RPH3A: variants seen among roughly 807,000 people sequenced by gnomAD.
RPH3A encodes rabphilin 3A, also known as rabphilin-3A.
In RPH3A, 48 loss-of-function variants were observed where a neutral mutation model predicts 102.2. The observed-to-expected ratio is 0.47, with a 90% CI of 0.37 to 0.60. RPH3A has a LOEUF of 0.60. Among genes scored for constraint, RPH3A ranks in the 20% least tolerant of loss-of-function variants. The pLI is 0.00. For synonymous variants in RPH3A, 310 were observed against 324.3 expected, an observed-to-expected ratio of 0.96 and a Z score of 0.47; for missense variants, 781 against 910.1, an observed-to-expected ratio of 0.86 and a Z score of 1.83.
At chr12:112,592,662 G>C (rs1418915312) in intron 1 of RPH3A, among the ~76,000 whole-genome samples, 1 of 152,100 alleles carries the variant, frequency 6.6e-6, no homozygotes, top group East Asian at 1.9e-4. Flanking sequence ...TCTGTGGTTG[G>C]TTGAATCCGT....
intron 2 of RPH3A, among the ~76,000 whole-genome samples, chr12:112,822,869 C>A (rs764622403): frequency 6.6e-6 from 1 of 152,316 alleles, no homozygotes; most frequent in East Asian, 1.9e-4. Context: ...GATATTTGAA[C>A]TTTCAGTTGT....
chr12:112,701,923 A>G (rs986786052), intron 1 of RPH3A, among the ~76,000 whole-genome samples: 1 of 152,226 alleles, frequency 6.6e-6, no homozygotes, highest in Non-Finnish European at 1.5e-5. Context: ...TGCAAAATGT[A>G]CTGTATGCTA....
Position 112,870,819 on chromosome 12 carries a change from C to T in RPH3A, c.796+780C>T, listed in dbSNP as rs912088935. Among the ~76,000 whole-genome samples, 11 of 152,184 alleles carry T rather than the reference C, an allele frequency of 7.2e-5. 1 individual carries two copies. The highest frequency in any genetic ancestry group is 4.6e-4 in the Admixed American group (7 of 15,282). ...TTCATAATCTGCCCAGACCTCCCCC[C>T]GACAATGAACCTATGGTTCAGATGA... On this transcript the variant is annotated intron_variant, in intron 10 of 21. Transcript: ENST00000389385.
At chr12:112,854,794 T>G (rs1388122699) in intron 5 of RPH3A, among the ~76,000 whole-genome samples, 2 of 152,258 alleles carry the variant, frequency 1.3e-5, no homozygotes, top group African/African-American at 2.4e-5. Flanking sequence ...AGCCTTTATG[T>G]GGCCAAACCA....
At chr12:112,764,118 T>C (rs568919682) in intron 1 of RPH3A, among the ~76,000 whole-genome samples, 1 of 152,292 alleles carries the variant, frequency 6.6e-6, no homozygotes, top group Middle Eastern at 3.4e-3. Flanking sequence ...ATGTAGAACC[T>C]GGAAGGTTTG....
chr12:112,584,106 G>A (rs1470680948), intron 1 of RPH3A, among the ~76,000 whole-genome samples: 1 of 152,118 alleles, frequency 6.6e-6, no homozygotes, highest in Non-Finnish European at 1.5e-5. Context: ...AGTGATTATC[G>A]CTGCAGAAAA....
chr12:112,713,098 T>TTCTTCTTCTTCTTCTTCC (rs2040491027), intron 1 of RPH3A, among the ~76,000 whole-genome samples: 1 of 137,342 alleles, frequency 7.3e-6, no homozygotes, highest in African/African-American at 2.6e-5. Flanking sequence ...CTTCTTCTTC[T>TTCTTCTTCTTCTTCTTCC]TCTTTTATTT....
chr12:112,694,632 ACGCGCGCGCGCGCACACG>A lies in RPH3A; in HGVS notation c.-139-97509_-139-97492del, dbSNP rs1332031466. Among the ~76,000 whole-genome samples, 555 of 115,054 alleles carry A rather than the reference ACGCGCGCGCGCGCACACG, an allele frequency of 4.8e-3. 4 individuals are homozygous for A. Among genetic ancestry groups the A allele is most frequent in the Middle Eastern group, 0.016 (4 of 254 alleles). The allele number at this position is 115,054 out of a possible 152,430, so 75.5% of individuals were successfully genotyped here. On this transcript the variant is annotated intron_variant, in intron 1 of 21. Transcript: ENST00000543106. ...GACAGAGAGAGACAAAGACACACGC[ACGCGCGCGCGCGCACACG>A]CACACACACACACACACACACACAC...
intron 1 of RPH3A, among the ~76,000 whole-genome samples, chr12:112,699,280 T>C (rs575248568): frequency 6.6e-6 from 1 of 152,298 alleles, no homozygotes; most frequent in East Asian, 1.9e-4. Flanking sequence ...GTCACACAAT[T>C]AAATTATTTA....
intron 5 of RPH3A, among the ~76,000 whole-genome samples, chr12:112,860,929 A>C (rs1262334011): frequency 6.6e-6 from 1 of 152,210 alleles, no homozygotes; most frequent in Non-Finnish European, 1.5e-5. Context: ...GTCTCATAAA[A>C]TTTTATAATT....
chr12:112,649,105 G>T (rs552752093), intron 1 of RPH3A, among the ~76,000 whole-genome samples: 2 of 152,322 alleles, frequency 1.3e-5, no homozygotes, highest in South Asian at 4.2e-4. Flanking sequence ...GGGCCAGCAC[G>T]CCAGGCCCCT....
chr12:112,858,085 C>A (rs1031280335), intron 5 of RPH3A, among the ~76,000 whole-genome samples: 7 of 151,664 alleles, frequency 4.6e-5, no homozygotes, highest in African/African-American at 1.7e-4. Flanking sequence ...CGAGCCTGAG[C>A]AATATAGTGA....
At chr12:112,883,190 T>C (rs569967567) in intron 15 of RPH3A, 103 bp from the exon 16 acceptor site, 4 of 793,422 alleles carry the variant, frequency 5.0e-6, no homozygotes, top group South Asian at 3.1e-5. Flanking sequence ...GACACTCCTA[T>C]GGGGAAAGCC....
intron 19 of RPH3A, among the ~76,000 whole-genome samples, chr12:112,892,704 C>T (rs1364407927): frequency 6.6e-6 from 1 of 152,162 alleles, no homozygotes; most frequent in Non-Finnish European, 1.5e-5. Flanking sequence ...TTCAAGGGGT[C>T]TGGTACACAG....
At chr12:112,721,843 C>A (rs913861334) in intron 1 of RPH3A, among the ~76,000 whole-genome samples, 25 of 152,190 alleles carry the variant, frequency 1.6e-4, no homozygotes, top group African/African-American at 5.8e-4. Context: ...GCAAGTGGAG[C>A]TTTTAATACT....
At chr12:112,709,643 T>C (rs908271759) in intron 1 of RPH3A, among the ~76,000 whole-genome samples, 14 of 152,196 alleles carry the variant, frequency 9.2e-5, no homozygotes, top group African/African-American at 3.4e-4. Flanking sequence ...ACCTACTATG[T>C]GCCAGGCACT....
chr12:112,894,382 G>A, intron 19 of RPH3A, 196 bp from the exon 20 acceptor site: 1 of 604,614 alleles, frequency 1.7e-6, no homozygotes, highest in Non-Finnish European at 2.9e-6. Context: ...GTCATGTGGG[G>A]ATTAAATATG....
At chr12:112,890,760 C>T in intron 18 of RPH3A, 89 bp from the exon 19 acceptor site, 5 of 1,431,610 alleles carry the variant, frequency 3.5e-6, no homozygotes, top group Non-Finnish European at 4.8e-6. Context: ...GCTTCGCCTG[C>T]CCTTCATAGG....
intron 1 of RPH3A, among the ~76,000 whole-genome samples, chr12:112,591,909 C>T (rs1053187953): frequency 1.3e-4 from 20 of 152,162 alleles, no homozygotes; most frequent in Non-Finnish European, 2.4e-4. Context: ...TCAGTATCCC[C>T]GGGGTTGGTT....
Sources: gnomAD v4.1 joint callset for allele counts (sites outside exome capture counted in the v4.1 genomes callset) on GRCh38, gnomAD v4.1.1 for gene constraint, MANE v1.5 for transcripts, NCBI Gene and HGNC (gene_info 2026-07-23, HGNC 2026-07-21) for gene names.